Variants in MGST3 observed in about 807,000 individuals in gnomAD.
The protein encoded by MGST3 is microsomal glutathione S-transferase 3.
MGST3 carries 13 observed loss-of-function variants against 15.8 expected under a neutral mutation model. The observed-to-expected ratio is 0.82, with a 90% CI of 0.54 to 1.31. The LOEUF is 1.31. Among genes scored for constraint, MGST3 ranks in the 50% most tolerant of loss-of-function variants. MGST3 has a pLI of 0.00. For missense variants in MGST3, 155 were observed against 192.4 expected (o/e 0.81, Z 1.15); for synonymous variants, 49 against 68.1 (o/e 0.72, Z 1.38).
intron 1 of MGST3, among the ~76,000 whole-genome samples, chr1:165,638,461 G>A (rs1168179546): frequency 2.0e-5 from 3 of 151,962 alleles, no homozygotes; most frequent in African/African-American, 7.3e-5. Flanking sequence ...TGACAGAGGG[G>A]GACCCTGTCT....
At chr1:165,647,878 C>T (rs2101721631) in intron 1 of MGST3, 1 of 152,318 alleles carries the variant, frequency 6.6e-6, no homozygotes, top group East Asian at 1.9e-4. Flanking sequence ...CTGTGTGGCC[C>T]AGGCTGCCTG....
chr1:165,632,390 A>C (rs1049679819), intron 1 of MGST3: 5 of 1,050,348 alleles, frequency 4.8e-6, no homozygotes, highest in Non-Finnish European at 7.2e-6. Context: ...TGGAGCCAGC[A>C]GTTCTGGGAG....
Position 165,651,986 on chromosome 1 carries a change from T to C in MGST3, c.200T>C (p.Val67Ala), listed in dbSNP as rs774371892. The C allele has an allele frequency of 6.2e-6, 10 of 1,613,412 alleles. No individual in the cohort carries two copies. Among genetic ancestry groups the C allele is most frequent in the Non-Finnish European group, 8.5e-6 (10 of 1,179,526 alleles). ...CTTTCTGTCAATTCCAGGTTGGAAG[T>C]GTATCCTCCCTTCTTATTTTTTCTA... ...IQRAHQNTLE[V>A]YPPFLFFLAV... is the part of the protein sequence containing the mutation. Residue 67 changes from valine (V) to alanine (A), a missense_variant, in exon 4 of 6, where the codon GTG becomes GCG. Coordinates refer to ENST00000367889, the MANE Select transcript of MGST3 (RefSeq NM_004528.4).
intron 1 of MGST3, among the ~76,000 whole-genome samples, chr1:165,634,774 CCTCCCT>C: frequency 8.0e-6 from 1 of 124,224 alleles, no homozygotes; most frequent in African/African-American, 3.1e-5. Context: ...CCTCTCTCTC[CCTCCCT>C]CTCCCTCCCT....
At chr1:165,632,445 A>G (rs1299375114) in intron 1 of MGST3, among the ~76,000 whole-genome samples, 1 of 152,212 alleles carries the variant, frequency 6.6e-6, no homozygotes, top group African/African-American at 2.4e-5. Flanking sequence ...ATTTTATTTC[A>G]GTGAATTCAG....
intron 1 of MGST3, among the ~76,000 whole-genome samples, chr1:165,635,304 C>A (rs1312007361): frequency 6.6e-6 from 1 of 152,146 alleles, no homozygotes; most frequent in Non-Finnish European, 1.5e-5. Context: ...TTTATTCTGT[C>A]TTGTTATAAA....
chr1:165,636,675 T>C (rs951923365), intron 1 of MGST3: 2 of 152,098 alleles, frequency 1.3e-5, no homozygotes, highest in African/African-American at 4.8e-5. Flanking sequence ...AGGCAGAGGT[T>C]GCAGTGAGCT....
At chr1:165,649,985 G>A in intron 2 of MGST3, 21 bp downstream of exon 2, 2 of 1,613,622 alleles carry the variant, frequency 1.2e-6, no homozygotes, top group Non-Finnish European at 8.5e-7. Context: ...ACACAAGCTG[G>A]TGCCCTTGTA....
intron 4 of MGST3, 102 bp downstream of exon 4, chr1:165,652,137 C>T: frequency 1.2e-6 from 1 of 846,880 alleles, no homozygotes; most frequent in South Asian, 1.4e-5. Flanking sequence ...TCTTCAGTGT[C>T]TAGGCACTGC....
intron 1 of MGST3, chr1:165,635,812 T>C (rs1648095866): frequency 6.6e-6 from 1 of 152,222 alleles, no homozygotes; most frequent in African/African-American, 2.4e-5. Context: ...TTGAAGACTA[T>C]GGACTGTGAG....
chr1:165,642,434 GC>G (rs1648286278), intron 1 of MGST3, among the ~76,000 whole-genome samples: 1 of 152,192 alleles, frequency 6.6e-6, no homozygotes, highest in Non-Finnish European at 1.5e-5. Flanking sequence ...TTTTAACATG[GC>G]TGGCTGCTGA....
intron 1 of MGST3, among the ~76,000 whole-genome samples, chr1:165,640,185 T>C (rs1218326399): frequency 6.6e-6 from 1 of 152,146 alleles, no homozygotes; most frequent in Non-Finnish European, 1.5e-5. Context: ...GGTCACAGGA[T>C]AGAGACTCTG....
chr1:165,653,243 C>A (rs927669693), intron 4 of MGST3, among the ~76,000 whole-genome samples: 4 of 152,174 alleles, frequency 2.6e-5, no homozygotes, highest in African/African-American at 9.7e-5. Flanking sequence ...GATTAGTCCT[C>A]ATTTGGTGTC....
At chr1:165,640,412 T>C (rs1648231874) in intron 1 of MGST3, among the ~76,000 whole-genome samples, 1 of 151,704 alleles carries the variant, frequency 6.6e-6, no homozygotes, top group African/African-American at 2.4e-5. Context: ...AAGATAGTAG[T>C]AGAATATAAC....
At chr1:165,654,166 C>A in intron 4 of MGST3, 113 bp from the exon 5 acceptor site, 1 of 1,023,082 alleles carries the variant, frequency 9.8e-7, no homozygotes, top group Non-Finnish European at 1.5e-6. Context: ...AGTAGTTGGC[C>A]AAATCATCAA....
At chr1:165,653,492 A>C (rs114763603) in intron 4 of MGST3, among the ~76,000 whole-genome samples, 1 of 152,178 alleles carries the variant, frequency 6.6e-6, no homozygotes, top group Non-Finnish European at 1.5e-5. Context: ...GTTACCCAAA[A>C]TCAACTCAAA....
At chr1:165,638,793 T>TAAA (rs144430330) in intron 1 of MGST3, among the ~76,000 whole-genome samples, 1 of 144,450 alleles carries the variant, frequency 6.9e-6, no homozygotes, top group African/African-American at 2.6e-5. Context: ...AGACTCCGTC[T>TAAA]TAAAAAAAAA....
intron 1 of MGST3, among the ~76,000 whole-genome samples, chr1:165,633,101 T>C (rs1647998672): frequency 6.6e-6 from 1 of 152,228 alleles, no homozygotes; most frequent in African/African-American, 2.4e-5. Context: ...CTGCTACGGT[T>C]TTTGCAGCTC....
chr1:165,641,419 TTTTGCAATCTAA>T (rs2101717619), intron 1 of MGST3, among the ~76,000 whole-genome samples: 1 of 152,358 alleles, frequency 6.6e-6, no homozygotes, highest in East Asian at 1.9e-4. Context: ...GGAAACTCTA[TTTTGCAATCTAA>T]TTAGACCAGC....
Sources: allele counts gnomAD v4.1 joint callset (sites outside exome capture counted in the v4.1 genomes callset), GRCh38; gene constraint gnomAD v4.1.1; transcripts MANE v1.5; gene names NCBI Gene and HGNC (gene_info 2026-07-23, HGNC 2026-07-21).